SLC41A2: variants seen among roughly 807,000 people sequenced by gnomAD.
The protein encoded by SLC41A2 is SLC41A1-like 1.
SLC41A2 carries 32 observed loss-of-function variants against 58.3 expected under a neutral mutation model. The observed-to-expected ratio is 0.55, with a 90% CI of 0.41 to 0.74. The LOEUF (loss-of-function observed/expected upper bound fraction) is 0.74. Among genes scored for constraint, SLC41A2 ranks in the 30% least tolerant of loss-of-function variants. SLC41A2 has a pLI of 0.00. For synonymous variants in SLC41A2, 190 were observed against 235.0 expected (o/e 0.81, Z 1.75); for missense variants, 514 against 680.6 (o/e 0.76, Z 2.72).
In SLC41A2 at chr12:104,870,075, G is replaced by A. The variant is rs575907689; in HGVS notation, c.1028-3496C>T. Among the ~76,000 whole-genome samples, 5 of 152,256 alleles carry A rather than the reference G, an allele frequency of 3.3e-5. No homozygotes were observed. The South Asian group carries it at 1.0e-3, about 32-fold the overall frequency. ...GTGAATGCTACCTTATACGGCAAAA[G>A]GGGCTTTGTAGAAATGATTAAGTCA... On this transcript the variant is annotated intron_variant, in intron 6 of 10. Coordinates refer to ENST00000258538, the MANE Select transcript of SLC41A2 (RefSeq NM_001352171.3).
chr12:104,827,153 C>T (rs570479609), intron 10 of SLC41A2, among the ~76,000 whole-genome samples: 7 of 152,234 alleles, frequency 4.6e-5, no homozygotes, highest in South Asian at 2.1e-4. Context: ...GAGAGGCCTT[C>T]GTAAAGCACA....
chr12:104,875,074 A>T (rs958591681), intron 6 of SLC41A2, among the ~76,000 whole-genome samples: 5 of 152,124 alleles, frequency 3.3e-5, no homozygotes, highest in Non-Finnish European at 7.4e-5. Flanking sequence ...TTATTTCTAG[A>T]TATTTTATTT....
At chr12:104,886,151 AAC>A in intron 6 of SLC41A2, 140 bp downstream of exon 6, 1 of 824,348 alleles carries the variant, frequency 1.2e-6, no homozygotes. Context: ...GTAGGTATAA[AAC>A]AAATGATAGT....
intron 6 of SLC41A2, 79 bp downstream of exon 6, chr12:104,886,214 G>A (rs2044651034): frequency 6.9e-7 from 1 of 1,453,464 alleles, no homozygotes; most frequent in South Asian, 1.3e-5. Context: ...GGCTACCATG[G>A]ATTCATGGCA....
In SLC41A2 at chr12:104,803,347, T is replaced by A. The variant is rs1160741402; in HGVS notation, c.*1805A>T. On this transcript the variant is annotated 3_prime_UTR_variant, in exon 11 of 11. Coordinates refer to ENST00000258538, the MANE Select transcript of SLC41A2 (RefSeq NM_001352171.3). ...AATGTTCACTATGTAACATTATAAC[T>A]CTCCAAAGGAGAAATTCTATAATTA... 3.3e-5 allele frequency: 5 copies of A among 152,142 alleles called. No individual in the cohort carries two copies. Among genetic ancestry groups the A allele is most frequent in the Admixed American group, 3.3e-4 (5 of 15,264 alleles). The allele number at this position is 152,142 out of a possible 1,614,324, so 9.4% of individuals were successfully genotyped here.
chr12:104,945,778 C>T (rs1263692508), intron 1 of SLC41A2, among the ~76,000 whole-genome samples: 1 of 152,154 alleles, frequency 6.6e-6, no homozygotes, highest in South Asian at 2.1e-4. Flanking sequence ...ATCCTAAATA[C>T]TTTCAGACAA....
chr12:104,802,147 ATTT>A lies in SLC41A2; in HGVS notation c.*3002_*3004del, dbSNP rs1291065032. 3.3e-5 allele frequency among the ~76,000 whole-genome samples: 5 copies of A among 152,168 alleles called. No individual in the cohort carries two copies. The highest frequency in any genetic ancestry group is 1.2e-4 in the African/African-American group (5 of 41,438). ...AGAACACATATTACCATAAGTTTCC[ATTT>A]TATCAGGTTCTAAGAAACTTTATTT... On this transcript the variant is annotated 3_prime_UTR_variant, in exon 11 of 11. Coordinates refer to ENST00000258538, the MANE Select transcript of SLC41A2 (RefSeq NM_001352171.3).
At chr12:104,936,883 ATG>A (rs892815967) in intron 1 of SLC41A2, among the ~76,000 whole-genome samples, 2 of 152,238 alleles carry the variant, frequency 1.3e-5, no homozygotes, top group African/African-American at 4.8e-5. Flanking sequence ...CAGCTGTACA[ATG>A]TGTGTGTGTT....
At chr12:104,873,736 G>C (rs911289909) in intron 6 of SLC41A2, among the ~76,000 whole-genome samples, 2 of 152,070 alleles carry the variant, frequency 1.3e-5, no homozygotes, top group African/African-American at 4.8e-5. Flanking sequence ...GATGTGAAAT[G>C]ATATCTCATT....
chr12:104,827,569 G>A (rs898908958), intron 10 of SLC41A2, among the ~76,000 whole-genome samples: 4 of 152,192 alleles, frequency 2.6e-5, no homozygotes, highest in African/African-American at 9.7e-5. Flanking sequence ...ACTTATCTCT[G>A]TAATCTTTGG....
chr12:104,917,352 T>C (rs557508209), intron 2 of SLC41A2, among the ~76,000 whole-genome samples: 2 of 152,166 alleles, frequency 1.3e-5, no homozygotes, highest in African/African-American at 2.4e-5. Context: ...TGTGGAGAAA[T>C]AGGAACACTT....
At chr12:104,883,926 A>G (rs2044518770) in intron 6 of SLC41A2, among the ~76,000 whole-genome samples, 1 of 152,200 alleles carries the variant, frequency 6.6e-6, no homozygotes, top group Admixed American at 6.5e-5. Flanking sequence ...CCTTTTATTC[A>G]GCTATGTCCT....
At chr12:104,893,509 T>C (rs2045120486) in intron 4 of SLC41A2, among the ~76,000 whole-genome samples, 1 of 152,200 alleles carries the variant, frequency 6.6e-6, no homozygotes, top group Non-Finnish European at 1.5e-5. Flanking sequence ...GCTGAGTATA[T>C]AATCCCAAAT....
intron 8 of SLC41A2, among the ~76,000 whole-genome samples, chr12:104,850,337 A>G (rs1592992509): frequency 6.6e-6 from 1 of 152,142 alleles, no homozygotes; most frequent in African/African-American, 2.4e-5. Context: ...TTAAGAAAAA[A>G]CCCAGCCCTA....
chr12:104,925,526 C>T lies in SLC41A2; in HGVS notation c.555+2447G>A, dbSNP rs537427763. ...TGAGCCGAGATAGCGCCACTGCAGT[C>T]CGGCCTGGGTGAAAGAGCGAGGCTC... On this transcript the variant is annotated intron_variant, in intron 2 of 10. Coordinates refer to ENST00000258538, the MANE Select transcript of SLC41A2 (RefSeq NM_001352171.3). Among the ~76,000 whole-genome samples, 4 of 151,940 alleles carry T rather than the reference C, an allele frequency of 2.6e-5. No individual in the cohort carries two copies. The East Asian group carries it at 7.8e-4, about 30-fold the overall frequency.
chr12:104,947,649 CAT>C (rs142147043), intron 1 of SLC41A2, among the ~76,000 whole-genome samples: 1 of 151,578 alleles, frequency 6.6e-6, no homozygotes, highest in Non-Finnish European at 1.5e-5. Flanking sequence ...ACATATTTTA[CAT>C]ATATATATGT....
rs759121429 is a variant in SLC41A2 at position 104,866,454 on chromosome 12, T to A, written c.1153A>T (p.Ile385Leu). Residue 385 changes from isoleucine (I) to leucine (L), a missense_variant, in exon 7 of 11, where the codon ATA becomes TTA. Transcript: ENST00000258538. ...TVLHSGWEPV[I>L]TAMVISSIGG... ...AACCTACTTATAACCATAGCTGTTA[T>A]GACAGGCTCCCAGCCTGAGTGGAGA... is the stretch of plus-strand genomic sequence containing the variant. 3 of 1,612,936 alleles carry A rather than the reference T, an allele frequency of 1.9e-6. No homozygotes were observed. The highest frequency in any genetic ancestry group is 2.5e-6 in the Non-Finnish European group (3 of 1,179,530).
chr12:104,812,129 T>C (rs1443011578), intron 10 of SLC41A2, among the ~76,000 whole-genome samples: 2 of 152,226 alleles, frequency 1.3e-5, no homozygotes, highest in Non-Finnish European at 2.9e-5. Context: ...GGCAGGAGGA[T>C]GACCTCCAGA....
chr12:104,847,554 GAGAT>G (rs2136344890), intron 8 of SLC41A2, among the ~76,000 whole-genome samples: 1 of 141,574 alleles, frequency 7.1e-6, no homozygotes, highest in Non-Finnish European at 1.5e-5. Context: ...GCAGTGAGCT[GAGAT>G]CACACCACTG....
Sources: gnomAD v4.1 joint callset for allele counts (sites outside exome capture counted in the v4.1 genomes callset) on GRCh38, gnomAD v4.1.1 for gene constraint, MANE v1.5 for transcripts, NCBI Gene and HGNC (gene_info 2026-07-23, HGNC 2026-07-21) for gene names.